The following ZDHHC20 variants were observed in gnomAD, a reference collection of about 807,000 sequenced individuals.
ZDHHC20 encodes zDHHC palmitoyltransferase 20, also known as palmitoyltransferase ZDHHC20.
In ZDHHC20, 43 loss-of-function variants were observed where a neutral mutation model predicts 57.8. The observed-to-expected ratio is 0.74, with a 90% CI of 0.58 to 0.96. The LOEUF is 0.96. ZDHHC20 is among the 40% of genes least tolerant of loss of function. The pLI is 0.00. For synonymous variants in ZDHHC20, 157 were observed against 153.0 expected, an observed-to-expected ratio of 1.03 and a Z score of -0.19; for missense variants, 391 against 441.1, an observed-to-expected ratio of 0.89 and a Z score of 1.02.
Position 21,449,156 on chromosome 13 carries a change from C to CGAA in ZDHHC20, c.118+9897_118+9898insTTC, listed in dbSNP as rs760222633. ...TGTTTATCTGCTGACCTTCCCTCCA[C>CGAA]TATTGTCCCATGACCCTGCCAAATC... is the stretch of plus-strand genomic sequence containing the variant. On this transcript the variant is annotated intron_variant, in intron 1 of 12. Transcript: ENST00000400590. 4.3e-3 allele frequency among the ~76,000 whole-genome samples: 631 copies of CGAA among 147,626 alleles called. 4 individuals are homozygous for CGAA. The highest frequency in any genetic ancestry group is 7.6e-3 in the Non-Finnish European group (507 of 66,770).
At chr13:21,414,505 C>T (rs146813304) in intron 3 of ZDHHC20, among the ~76,000 whole-genome samples, 3,618 of 147,630 alleles carry the variant, frequency 0.025, 138 homozygotes, top group African/African-American at 0.08. Flanking sequence ...GGACTACAGG[C>T]GCACGCCACT....
At chr13:21,378,626 G>A (rs1872667865) in intron 12 of ZDHHC20, 35 bp downstream of exon 12, 3 of 1,153,334 alleles carry the variant, frequency 2.6e-6, no homozygotes, top group Non-Finnish European at 3.5e-6. Flanking sequence ...CAAATAAGCT[G>A]CATTTATTCA....
intron 9 of ZDHHC20, among the ~76,000 whole-genome samples, chr13:21,386,038 T>C (rs75476029): frequency 0.012 from 1,815 of 152,296 alleles, 31 homozygotes; most frequent in African/African-American, 0.042. Context: ...TCAAAATTTC[T>C]GTTTAGAGGA....
intron 1 of ZDHHC20, among the ~76,000 whole-genome samples, chr13:21,446,194 A>AT: frequency 6.6e-6 from 1 of 152,268 alleles, no homozygotes; most frequent in Middle Eastern, 3.4e-3. Flanking sequence ...CATGACTTGT[A>AT]TTTTTTTAGC....
rs141502095 is a variant in ZDHHC20 at position 21,381,534 on chromosome 13, T to C, written c.960A>G (p.Gln320=). 7.4e-3 allele frequency: 11,983 copies of C among 1,613,294 alleles called. 59 individuals are homozygous for C. Among genetic ancestry groups the C allele is most frequent in the Middle Eastern group, 0.011 (68 of 6,062 alleles). The change falls in exon 11 of 13, where the codon CAA becomes CAG. Residue 320 remains glutamine, a synonymous_variant. Coordinates refer to ENST00000400590, the MANE Select transcript of ZDHHC20 (RefSeq NM_001330059.2). ...CACTAAGTGGTTTGATAGGAAAAGGTTGATTTGAGCCACTACTGAAAAGAA... is the reference window on the plus strand; with the variant it reads ...CACTAAGTGGTTTGATAGGAAAAGGCTGATTTGAGCCACTACTGAAAAGAA... ...NEYARSSGSN[Q]PFPIKPLSES... is the part of the protein sequence containing the mutation.
chr13:21,455,445 A>G (rs1040799952), intron 1 of ZDHHC20, among the ~76,000 whole-genome samples: 3 of 152,202 alleles, frequency 2.0e-5, no homozygotes, highest in African/African-American at 4.8e-5. Context: ...TATTCAATCC[A>G]TTCGTACTTT....
chr13:21,421,070 G>T lies in ZDHHC20; in HGVS notation c.240C>A (p.Pro80=). The T allele has an allele frequency of 6.2e-7, 1 of 1,611,898 alleles. No individual in the cohort carries two copies. Among genetic ancestry groups the T allele is most frequent in the South Asian group, 1.1e-5 (1 of 90,986 alleles). The change falls in exon 3 of 13, where the codon CCC becomes CCA. Residue 80 remains proline, a synonymous_variant. Coordinates refer to ENST00000400590, the MANE Select transcript of ZDHHC20 (RefSeq NM_001330059.2). ...WMTIFTSPAS[P]SKEFYLSNSE... is the part of the protein sequence containing the mutation. ...CCAACATTAAATTTACCTCTTTGGAGGGGGAAGCGGGAGATGTGAAAATTG... is the reference window on the plus strand; with the variant it reads ...CCAACATTAAATTTACCTCTTTGGATGGGGAAGCGGGAGATGTGAAAATTG...
chr13:21,417,762 A>T (rs1880172484), intron 3 of ZDHHC20, among the ~76,000 whole-genome samples: 1 of 152,002 alleles, frequency 6.6e-6, no homozygotes, highest in African/African-American at 2.4e-5. Context: ...TTTAGACCCA[A>T]TCAATTCCCC....
intron 1 of ZDHHC20, among the ~76,000 whole-genome samples, chr13:21,455,067 C>T (rs1211507959): frequency 6.6e-6 from 1 of 152,094 alleles, no homozygotes; most frequent in Admixed American, 6.6e-5. Flanking sequence ...ACTACAGGCA[C>T]CCGCCACCAC....
chr13:21,436,965 A>C (rs1455776361), intron 1 of ZDHHC20, among the ~76,000 whole-genome samples: 2 of 152,188 alleles, frequency 1.3e-5, no homozygotes, highest in African/African-American at 2.4e-5. Flanking sequence ...GTACCCTAGA[A>C]CTTAAAGTAT....
At chr13:21,431,872 C>T (rs1465739045) in intron 1 of ZDHHC20, among the ~76,000 whole-genome samples, 1 of 152,076 alleles carries the variant, frequency 6.6e-6, no homozygotes, top group Non-Finnish European at 1.5e-5. Context: ...ATGTGTGTGC[C>T]AATATTTTCT....
At chr13:21,455,679 T>C (rs943422532) in intron 1 of ZDHHC20, among the ~76,000 whole-genome samples, 12 of 150,692 alleles carry the variant, frequency 8.0e-5, no homozygotes, top group Non-Finnish European at 1.8e-4. Flanking sequence ...TGTGTCTAAT[T>C]ACACAATTAG....
Position 21,378,650 on chromosome 13 carries a change from T to C in ZDHHC20, c.*40+11A>G, listed in dbSNP as rs1872671856. Reference sequence around the variant, plus strand: ...TGCATTTATTCAAGGATTACCTTTATACTGTCTTACCTTGCTCTTATTCAA... The same window carrying C: ...TGCATTTATTCAAGGATTACCTTTACACTGTCTTACCTTGCTCTTATTCAA... On this transcript the variant is annotated intron_variant, in intron 12 of 12. Coordinates refer to ENST00000400590, the MANE Select transcript of ZDHHC20 (RefSeq NM_001330059.2). 7.4e-7 allele frequency: 1 copy of C among 1,346,410 alleles called. No homozygotes were observed. The highest frequency in any genetic ancestry group is 9.7e-7 in the Non-Finnish European group (1 of 1,026,708). The allele number at this position is 1,346,410 out of a possible 1,614,324, so 83.4% of individuals were successfully genotyped here. A position where few individuals can be genotyped will look rare whatever the true frequency, so the allele number is the denominator to read the frequency against.
chr13:21,420,007 C>T (rs765642234), intron 3 of ZDHHC20, among the ~76,000 whole-genome samples: 57 of 152,244 alleles, frequency 3.7e-4, no homozygotes, highest in Admixed American at 6.5e-4. Context: ...AAGCTTAGGC[C>T]GGGCGTAAAT....
intron 1 of ZDHHC20, among the ~76,000 whole-genome samples, chr13:21,437,343 T>C (rs1270624814): frequency 6.6e-6 from 1 of 152,214 alleles, no homozygotes; most frequent in African/African-American, 2.4e-5. Flanking sequence ...GTAGCTATAT[T>C]AGTCCATTTT....
intron 1 of ZDHHC20, among the ~76,000 whole-genome samples, chr13:21,427,844 A>AG (rs1453187547): frequency 6.6e-6 from 1 of 151,678 alleles, no homozygotes; most frequent in Non-Finnish European, 1.5e-5. Context: ...CAAAAAAAAA[A>AG]AAAAAAAAAA....
chr13:21,432,611 C>T (rs1462617929), intron 1 of ZDHHC20, among the ~76,000 whole-genome samples: 1 of 152,066 alleles, frequency 6.6e-6, no homozygotes, highest in Non-Finnish European at 1.5e-5. Flanking sequence ...GGATTACAGG[C>T]ATGAGACATC....
intron 1 of ZDHHC20, among the ~76,000 whole-genome samples, chr13:21,457,022 G>A (rs918732800): frequency 3.3e-5 from 5 of 152,178 alleles, no homozygotes; most frequent in African/African-American, 1.2e-4. Flanking sequence ...TCCACCTGTA[G>A]AGATACCTAT....
chr13:21,445,063 CAT>C (rs1277557923), intron 1 of ZDHHC20, among the ~76,000 whole-genome samples: 1 of 151,924 alleles, frequency 6.6e-6, no homozygotes, highest in African/African-American at 2.4e-5. Context: ...TCTCAAAACA[CAT>C]ACACACACAC....
Sources: gnomAD v4.1 joint callset for allele counts (sites outside exome capture counted in the v4.1 genomes callset) on GRCh38, gnomAD v4.1.1 for gene constraint, MANE v1.5 for transcripts, NCBI Gene and HGNC (gene_info 2026-07-23, HGNC 2026-07-21) for gene names.